Variants in ZDHHC20 observed in about 807,000 individuals in gnomAD.
The protein encoded by ZDHHC20 is palmitoyltransferase ZDHHC20.
A neutral mutation model predicts 57.8 loss-of-function variants in ZDHHC20; 43 were observed. The ratio of observed to expected loss-of-function variants is 0.74; its 90% CI spans 0.58 to 0.96. The LOEUF is 0.96. Ranked by LOEUF, ZDHHC20 falls within the 40% of genes least tolerant of loss-of-function variation. The pLI, the probability that ZDHHC20 is intolerant of heterozygous loss-of-function variation, is 0.00. For synonymous variants in ZDHHC20, 157 were observed against 153.0 expected, an observed-to-expected ratio of 1.03 and a Z score of -0.19; for missense variants, 391 against 441.1, an observed-to-expected ratio of 0.89 and a Z score of 1.02.
intron 8 of ZDHHC20, among the ~76,000 whole-genome samples, chr13:21,389,035 T>C (rs1293704886): frequency 6.6e-6 from 1 of 152,158 alleles, no homozygotes; most frequent in African/African-American, 2.4e-5. Flanking sequence ...GAGAATAACA[T>C]ATTCAAGTTT....
At chr13:21,379,717 A>C (rs925379665) in intron 11 of ZDHHC20, among the ~76,000 whole-genome samples, 1 of 152,238 alleles carries the variant, frequency 6.6e-6, no homozygotes, top group East Asian at 1.9e-4. Context: ...GAAAATTCCC[A>C]CTTCAATTTT....
intron 4 of ZDHHC20, among the ~76,000 whole-genome samples, chr13:21,406,860 T>G (rs138306894): frequency 1.7e-4 from 26 of 152,330 alleles, no homozygotes; most frequent in African/African-American, 6.3e-4. Flanking sequence ...TGCATGTGTC[T>G]TTACAGAATG....
At chr13:21,420,993 G>GT (rs1566094982) in intron 3 of ZDHHC20, 68 bp downstream of exon 3, 10 of 1,273,144 alleles carry the variant, frequency 7.9e-6, no homozygotes, top group Non-Finnish European at 1.1e-5. Flanking sequence ...TTTAACAAAG[G>GT]TAACACAAGG....
intron 7 of ZDHHC20, among the ~76,000 whole-genome samples, chr13:21,393,892 T>C (rs1288371748): frequency 6.6e-6 from 1 of 152,048 alleles, no homozygotes; most frequent in Admixed American, 6.6e-5. Flanking sequence ...AAATAAAATG[T>C]TTTTAGCCAA....
chr13:21,392,677 A>T (rs1875955435), intron 7 of ZDHHC20, among the ~76,000 whole-genome samples: 1 of 152,218 alleles, frequency 6.6e-6, no homozygotes, highest in African/African-American at 2.4e-5. Context: ...TTTAAATGTT[A>T]GCTCTTAAAA....
chr13:21,453,098 C>T (rs1392414583), intron 1 of ZDHHC20, among the ~76,000 whole-genome samples: 3 of 152,104 alleles, frequency 2.0e-5, no homozygotes, highest in Non-Finnish European at 1.5e-5. Context: ...AAATATAAGA[C>T]ACATACACAT....
intron 1 of ZDHHC20, among the ~76,000 whole-genome samples, chr13:21,445,672 G>T (rs1264351202): frequency 1.3e-5 from 2 of 152,122 alleles, no homozygotes; most frequent in Non-Finnish European, 2.9e-5. Flanking sequence ...CGAATTGGCG[G>T]CTACACAATC....
intron 4 of ZDHHC20, among the ~76,000 whole-genome samples, chr13:21,406,876 T>C (rs1878519080): frequency 6.6e-6 from 1 of 152,246 alleles, no homozygotes. Context: ...GAATGATTTA[T>C]AATCCTTTGG....
intron 10 of ZDHHC20, among the ~76,000 whole-genome samples, chr13:21,382,669 C>T (rs1178877245): frequency 6.6e-6 from 1 of 152,228 alleles, no homozygotes. Context: ...ATTTGATTAT[C>T]CTGGTTTAAC....
intron 2 of ZDHHC20, among the ~76,000 whole-genome samples, chr13:21,424,889 G>T (rs1219666885): frequency 3.3e-5 from 5 of 152,128 alleles, no homozygotes; most frequent in African/African-American, 1.2e-4. Flanking sequence ...GATTGAGTCT[G>T]CGTTTATTCT....
At chr13:21,452,569 GT>G (rs1884549650) in intron 1 of ZDHHC20, among the ~76,000 whole-genome samples, 1 of 152,064 alleles carries the variant, frequency 6.6e-6, no homozygotes, top group Non-Finnish European at 1.5e-5. Context: ...TATATTTTGG[GT>G]TTTTTAAACC....
chr13:21,380,551 T>C (rs576736652), intron 11 of ZDHHC20, among the ~76,000 whole-genome samples: 1 of 151,646 alleles, frequency 6.6e-6, no homozygotes, highest in African/African-American at 2.4e-5. Flanking sequence ...CCCAGCACTT[T>C]GGGGGGCTGA....
At chr13:21,425,596 T>C (rs1881158730) in intron 2 of ZDHHC20, 56 bp downstream of exon 2, 1 of 1,144,278 alleles carries the variant, frequency 8.7e-7, no homozygotes, top group Non-Finnish European at 1.2e-6. Flanking sequence ...AAAAAGTATG[T>C]TCCAATTAAA....
chr13:21,401,589 C>T (rs1288757455), intron 6 of ZDHHC20, 64 bp downstream of exon 6: 11 of 1,462,558 alleles, frequency 7.5e-6, no homozygotes, highest in Non-Finnish European at 9.2e-6. Flanking sequence ...TTTAGGAATA[C>T]TGAAGTTACT....
rs1436200854 is a variant in ZDHHC20 at position 21,378,725 on chromosome 13, A to G, written c.1074T>C (p.His358=). The change falls in exon 12 of 13, where the codon CAT becomes CAC. Residue 358 remains histidine (H), a synonymous_variant. Coordinates refer to ENST00000400590, the MANE Select transcript of ZDHHC20 (RefSeq NM_001330059.2). The part of the protein sequence containing the change: ...EGIVKSGTNN[H]VTVAIEN ...CTCAATTTTCTATTGCCACTGTTAC[A>G]TGGTTATTTGTCCCTGTAAGCATAT... The G allele has an allele frequency of 4.1e-6, 6 of 1,459,008 alleles. No individual in the cohort carries two copies. In the South Asian group the frequency reaches 6.2e-5, roughly 15 times the overall value. 90.4% of individuals were successfully genotyped at this position (1,459,008 alleles called of 1,614,324 possible). A position where few individuals can be genotyped will look rare whatever the true frequency, so the allele number is the denominator to read the frequency against.
rs1206602754 is a variant in ZDHHC20, at chr13:21,402,879, A to T, written c.371-13T>A. 9 of 1,573,800 alleles carry T rather than the reference A, an allele frequency of 5.7e-6. No homozygotes were observed. Among genetic ancestry groups the T allele is most frequent in the Non-Finnish European group, 7.8e-6 (9 of 1,156,678 alleles). ...CAATATCTGATAGCTACATGAAAGA[A>T]GTAAAAGGAAGATGCTGAAGGATGT... On this transcript the variant is annotated splice_polypyrimidine_tract_variant and intron_variant, in intron 4 of 12. Coordinates refer to ENST00000400590, the MANE Select transcript of ZDHHC20 (RefSeq NM_001330059.2).
chr13:21,415,896 C>T (rs1199154428), intron 3 of ZDHHC20, among the ~76,000 whole-genome samples: 2 of 152,092 alleles, frequency 1.3e-5, no homozygotes, highest in Admixed American at 6.6e-5. Flanking sequence ...AACATCATTA[C>T]TTTTCCTTAA....
intron 9 of ZDHHC20, among the ~76,000 whole-genome samples, chr13:21,385,156 C>T (rs1416469245): frequency 3.3e-5 from 5 of 152,128 alleles, no homozygotes; most frequent in East Asian, 1.9e-4. Context: ...GGGCCAGGCA[C>T]GGTGGTTCAT....
chr13:21,445,909 T>C (rs751032099), intron 1 of ZDHHC20, among the ~76,000 whole-genome samples: 1 of 152,206 alleles, frequency 6.6e-6, no homozygotes, highest in Non-Finnish European at 1.5e-5. Context: ...GGTGACTACC[T>C]GAACAGCGAT....
Sources: allele counts gnomAD v4.1 joint callset (sites outside exome capture counted in the v4.1 genomes callset), GRCh38; gene constraint gnomAD v4.1.1; transcripts MANE v1.5; gene names NCBI Gene and HGNC (gene_info 2026-07-23, HGNC 2026-07-21).